TMPRSS12: variants seen among roughly 807,000 people sequenced by gnomAD.
TMPRSS12 encodes transmembrane protease serine 12.
In TMPRSS12, 25 loss-of-function variants were observed where a neutral mutation model predicts 26.0. That is an observed-to-expected ratio of 0.96 (90% CI 0.70 to 1.34). The LOEUF (loss-of-function observed/expected upper bound fraction) is 1.34, where lower values mean the gene tolerates loss of function less well. TMPRSS12 is among the 40% of genes most tolerant of loss of function. TMPRSS12 has a pLI of 0.00. For synonymous variants in TMPRSS12, 150 were observed against 161.7 expected (o/e 0.93, Z 0.55); for missense variants, 441 against 440.1 (o/e 1.00, Z -0.02).
intron 3 of TMPRSS12, among the ~76,000 whole-genome samples, chr12:50,880,255 G>GT (rs1938151028): frequency 1.3e-5 from 2 of 152,092 alleles, no homozygotes; most frequent in Admixed American, 1.3e-4. Context: ...AGGCACAGTG[G>GT]TACATGCCTG....
chr12:50,870,280 T>C lies in TMPRSS12; in HGVS notation c.652+11227T>C, dbSNP rs181429505. Among the ~76,000 whole-genome samples, 260 of 151,608 alleles carry C rather than the reference T, an allele frequency of 1.7e-3. 1 individual carries two copies. Among genetic ancestry groups the C allele is most frequent in the African/African-American group, 5.8e-3 (240 of 41,242 alleles). ...GATCAAGTGGGTTTCATATCAGGGA[T>C]CCAGGGATGGTTTAACATACACAAG... On this transcript the variant is annotated intron_variant, in intron 3 of 4. Coordinates refer to ENST00000398458, the MANE Select transcript of TMPRSS12 (RefSeq NM_182559.3).
At chr12:50,859,223 T>C (rs1014587206) in intron 3 of TMPRSS12, among the ~76,000 whole-genome samples, 170 bp downstream of exon 3, 1 of 151,790 alleles carries the variant, frequency 6.6e-6, no homozygotes, top group African/African-American at 2.4e-5. Flanking sequence ...TGGTACCTTT[T>C]TTTTTTTTTC....
intron 2 of TMPRSS12, among the ~76,000 whole-genome samples, chr12:50,853,158 A>G (rs1289900497): frequency 6.6e-6 from 1 of 152,216 alleles, no homozygotes; most frequent in Non-Finnish European, 1.5e-5. Context: ...TAAAAATAGA[A>G]ATCAATGCCA....
At chr12:50,864,830 TG>T in intron 3 of TMPRSS12, among the ~76,000 whole-genome samples, 1 of 151,934 alleles carries the variant, frequency 6.6e-6, no homozygotes, top group South Asian at 2.1e-4. Context: ...GCTAATTTTT[TG>T]TGTGTTTTTA....
At chr12:50,879,986 TA>T (rs1263249838) in intron 3 of TMPRSS12, among the ~76,000 whole-genome samples, 3 of 151,624 alleles carry the variant, frequency 2.0e-5, no homozygotes, top group Non-Finnish European at 4.4e-5. Flanking sequence ...CATTAAAAAA[TA>T]AAAAATTGGA....
chr12:50,846,096 A>G (rs2139718408), intron 2 of TMPRSS12, among the ~76,000 whole-genome samples: 1 of 151,292 alleles, frequency 6.6e-6, no homozygotes, highest in Admixed American at 6.6e-5. Flanking sequence ...TCATCTTTTC[A>G]CTCTCGATAT....
chr12:50,858,046 G>A (rs1037156534), intron 2 of TMPRSS12, among the ~76,000 whole-genome samples: 1 of 152,148 alleles, frequency 6.6e-6, no homozygotes, highest in Non-Finnish European at 1.5e-5. Flanking sequence ...GTTTCACCAT[G>A]TTAGCCAGGA....
chr12:50,871,687 T>C (rs1426904574), intron 3 of TMPRSS12, among the ~76,000 whole-genome samples: 1 of 152,144 alleles, frequency 6.6e-6, no homozygotes, highest in Non-Finnish European at 1.5e-5. Flanking sequence ...TCACAATCTA[T>C]ACATTTGACA....
At position 50,877,537 on chromosome 12, in the gene TMPRSS12, A is replaced by G. The variant is rs185806540; in HGVS notation, c.653-7709A>G. 2.3e-3 allele frequency among the ~76,000 whole-genome samples: 346 copies of G among 152,368 alleles called. 1 individual carries two copies. The highest frequency in any genetic ancestry group is 8.0e-3 in the African/African-American group (333 of 41,598). On this transcript the variant is annotated intron_variant, in intron 3 of 4. Transcript: ENST00000398458. Reference sequence around the variant, plus strand: ...TAGGAAGACAAAAATCAATATGTCTATACTTGCAATAAACTATCTGAAAAC... The same window carrying G: ...TAGGAAGACAAAAATCAATATGTCTGTACTTGCAATAAACTATCTGAAAAC...
intron 2 of TMPRSS12, among the ~76,000 whole-genome samples, chr12:50,845,108 G>A (rs1433972312): frequency 2.6e-5 from 4 of 152,122 alleles, no homozygotes; most frequent in Admixed American, 1.3e-4. Context: ...TTCACTATTA[G>A]ACTCTTTGAA....
chr12:50,873,330 C>T (rs1938084729), intron 3 of TMPRSS12, among the ~76,000 whole-genome samples: 1 of 151,858 alleles, frequency 6.6e-6, no homozygotes, highest in Non-Finnish European at 1.5e-5. Context: ...CTCCAATAAC[C>T]TATGGAAAAA....
chr12:50,860,494 C>T (rs1481282522), intron 3 of TMPRSS12, among the ~76,000 whole-genome samples: 1 of 152,184 alleles, frequency 6.6e-6, no homozygotes, highest in Non-Finnish European at 1.5e-5. Context: ...TAGCTCACTG[C>T]AGCCTCAAAC....
At chr12:50,870,449 C>A (rs1938031610) in intron 3 of TMPRSS12, among the ~76,000 whole-genome samples, 1 of 152,154 alleles carries the variant, frequency 6.6e-6, no homozygotes, top group South Asian at 2.1e-4. Flanking sequence ...AAGGGATATA[C>A]CTCAATGTAA....
chr12:50,868,438 G>A (rs1297488352), intron 3 of TMPRSS12, among the ~76,000 whole-genome samples: 1 of 152,098 alleles, frequency 6.6e-6, no homozygotes, highest in Non-Finnish European at 1.5e-5. Flanking sequence ...TTGTCCAACA[G>A]GAAAATAACA....
chr12:50,887,621 T>C lies in TMPRSS12; in HGVS notation c.*108T>C. Reference sequence around the variant, plus strand: ...AGCAATTAATTGCCTACATTAGAGATTTCATGTGAACATTTTATGGGCTAT... The same window carrying C: ...AGCAATTAATTGCCTACATTAGAGACTTCATGTGAACATTTTATGGGCTAT... On this transcript the variant is annotated 3_prime_UTR_variant, in exon 5 of 5. Coordinates refer to ENST00000398458, the MANE Select transcript of TMPRSS12 (RefSeq NM_182559.3). 7.2e-7 allele frequency: 1 copy of C among 1,397,126 alleles called. No individual in the cohort carries two copies. 86.5% of individuals were successfully genotyped at this position (1,397,126 alleles called of 1,614,324 possible). A position where few individuals can be genotyped will look rare whatever the true frequency, so the allele number is the denominator to read the frequency against.
chr12:50,850,367 C>G (rs960267607), intron 2 of TMPRSS12, among the ~76,000 whole-genome samples: 4 of 152,118 alleles, frequency 2.6e-5, no homozygotes, highest in Admixed American at 2.6e-4. Context: ...TCTCTTAAGG[C>G]CAGGAGTTCA....
chr12:50,848,792 C>T (rs543197806), intron 2 of TMPRSS12, among the ~76,000 whole-genome samples: 1 of 152,198 alleles, frequency 6.6e-6, no homozygotes, highest in Non-Finnish European at 1.5e-5. Flanking sequence ...AATGAGAGCA[C>T]CTTGACAACA....
chr12:50,875,413 C>T (rs926391038), intron 3 of TMPRSS12, among the ~76,000 whole-genome samples: 6 of 133,514 alleles, frequency 4.5e-5, no homozygotes, highest in Admixed American at 9.0e-5. Context: ...ATCGCTTGAA[C>T]GTGGAAGGGG....
chr12:50,874,446 T>C (rs1046782822), intron 3 of TMPRSS12, among the ~76,000 whole-genome samples: 20 of 152,094 alleles, frequency 1.3e-4, no homozygotes, highest in African/African-American at 4.6e-4. Flanking sequence ...AAGCCTATAT[T>C]AATAAAAGAT....
Sources: allele counts gnomAD v4.1 joint callset (sites outside exome capture counted in the v4.1 genomes callset), GRCh38; gene constraint gnomAD v4.1.1; transcripts MANE v1.5; gene names NCBI Gene and HGNC (gene_info 2026-07-23, HGNC 2026-07-21).